AMER1: variants seen among roughly 807,000 people sequenced by gnomAD.
AMER1 encodes the protein RP11-403E24.2.
AMER1 carries 16 observed loss-of-function variants against 53.0 expected under a neutral mutation model. The observed-to-expected ratio is 0.30, with a 90% CI of 0.20 to 0.46. The LOEUF is 0.46. Among genes scored for constraint, AMER1 ranks in the 20% least tolerant of loss-of-function variants. The pLI is 1.00. For synonymous variants in AMER1, 354 were observed against 331.9 expected (o/e 1.07, Z -0.73); for missense variants, 947 against 884.9 (o/e 1.07, Z -0.89).
intron 1 of AMER1, among the ~76,000 whole-genome samples, chrX:64,196,405 A>G (rs1472573818): frequency 8.9e-6 from 1 of 112,443 alleles, no homozygotes; most frequent in African/African-American, 3.2e-5. Flanking sequence ...AAAGCACTTT[A>G]TAAACTGTAT....
chrX:64,186,050 T>C lies in AMER1; in HGVS notation c.*3829A>G. The C allele has an allele frequency of 9.6e-7, 1 of 1,040,706 alleles. No individual in the cohort carries two copies. The highest frequency in any genetic ancestry group is 2.0e-5 in the South Asian group (1 of 50,837). 85.8% of individuals were successfully genotyped at this position (1,040,706 alleles called of 1,213,427 possible). On this transcript the variant is annotated 3_prime_UTR_variant, in exon 2 of 2. Transcript: ENST00000374869. ...GACACATGAGTACTCTCAGAGGGTC[T>C]AGACATGGGGAAGAAGGGTTCAAAA...
At position 64,187,668 on chromosome X, in the gene AMER1, A is replaced by G; in HGVS notation, c.*2211T>C. 1 of 775,271 alleles carries G rather than the reference A, an allele frequency of 1.3e-6. No homozygotes were observed. The highest frequency in any genetic ancestry group is 9.1e-5 in the East Asian group (1 of 10,938). The allele number at this position is 775,271 out of a possible 1,213,427, so 63.9% of individuals were successfully genotyped here. On this transcript the variant is annotated 3_prime_UTR_variant, in exon 2 of 2. Transcript: ENST00000374869. Reference sequence around the variant, plus strand: ...CAGGAGCTCAAGCTGCCCTGAAAGAAGAGGCAAGAGGTGGGTTCTTCCCTG... The same window carrying G: ...CAGGAGCTCAAGCTGCCCTGAAAGAGGAGGCAAGAGGTGGGTTCTTCCCTG...
rs758505952 is a variant in AMER1 at position 64,192,950 on chromosome X, C to T, written c.337G>A (p.Gly113Arg). The T allele has an allele frequency of 8.3e-7, 1 of 1,211,753 alleles. No homozygotes were observed. Among genetic ancestry groups the T allele is most frequent in the Admixed American group, 2.2e-5 (1 of 46,038 alleles). The change falls in exon 2 of 2, where the codon GGA (glycine) becomes AGA (arginine). Residue 113 changes from glycine (G) to arginine (R), a missense_variant. Transcript: ENST00000374869. ...AHGPEDVVSE[G>R]TGFSLPLPEL... ...GGCAAAGGCAGGGAGAAGCCAGTTC[C>T]TTCACTGACAACATCTTCAGGGCCA...
rs779500132 is a variant in AMER1, at chrX:64,191,940, G to A, written c.1347C>T (p.Ala449=). Residue 449 remains alanine, a synonymous_variant, in exon 2 of 2, where the codon GCC becomes GCT. Transcript: ENST00000374869. The part of the protein sequence containing the change: ...LDPVRSYPGL[A]PGELLTPQSD... ...TCTGAGGAGTCAAAAGTTCCCCAGGGGCTAGGCCAGGATAAGACCTAACTG... is the reference window on the plus strand; with the variant it reads ...TCTGAGGAGTCAAAAGTTCCCCAGGAGCTAGGCCAGGATAAGACCTAACTG... The A allele has an allele frequency of 2.5e-6, 3 of 1,211,686 alleles. No individual in the cohort carries two copies. In the South Asian group the frequency reaches 5.3e-5, roughly 21 times the overall value.
At position 64,186,247 on chromosome X, in the gene AMER1, G is replaced by C. The variant is rs1245811558; in HGVS notation, c.*3632C>G. Reference sequence around the variant, plus strand: ...AAGGTAGGGAGAGGGGAAAGAGGGAGGGCCCTAGGCAGTTGAGATGCCAGC... The same window carrying C: ...AAGGTAGGGAGAGGGGAAAGAGGGACGGCCCTAGGCAGTTGAGATGCCAGC... On this transcript the variant is annotated 3_prime_UTR_variant, in exon 2 of 2. Transcript: ENST00000374869. 2 of 1,168,726 alleles carry C rather than the reference G, an allele frequency of 1.7e-6. No individual in the cohort carries two copies. Among genetic ancestry groups the C allele is most frequent in the East Asian group, 3.1e-5 (1 of 32,657 alleles).
At chrX:64,196,834 T>C (rs755507078) in intron 1 of AMER1, among the ~76,000 whole-genome samples, 1 of 111,813 alleles carries the variant, frequency 8.9e-6, no homozygotes, top group Non-Finnish European at 1.9e-5. Flanking sequence ...CCCACAGTCA[T>C]TCACAGTATC....
rs552111233 is a variant in AMER1, at chrX:64,185,595, G to A, written c.*4284C>T. Reference sequence around the variant, plus strand: ...AGTGACTATAGGATTGGAAAGTCAGGGATCAGGCCAGCAAGCCATCACCCT... The same window carrying A: ...AGTGACTATAGGATTGGAAAGTCAGAGATCAGGCCAGCAAGCCATCACCCT... On this transcript the variant is annotated 3_prime_UTR_variant, in exon 2 of 2. Transcript: ENST00000374869. 1 of 171,477 alleles carries A rather than the reference G, an allele frequency of 5.8e-6. No individual in the cohort carries two copies. Among genetic ancestry groups the A allele is most frequent in the African/African-American group, 3.0e-5 (1 of 33,130 alleles). The allele number at this position is 171,477 out of a possible 1,213,427, so 14.1% of individuals were successfully genotyped here.
rs2147085720 is a variant in AMER1, at chrX:64,190,693, C to T, written c.2594G>A (p.Gly865Asp). Residue 865 changes from glycine to aspartate, a missense_variant, in exon 2 of 2, where the codon GGT becomes GAT. By Grantham distance (94) the Gly-to-Asp change is moderately conservative (BLOSUM62 -1). Coordinates refer to ENST00000374869, the MANE Select transcript of AMER1 (RefSeq NM_152424.4). The stretch of plus-strand genomic sequence containing the variant: ...CAAGTATCGAGGGAGGCTGCTCACA[C>T]CCCAGGGCAGGCCTTGGTAGAATCG... The part of the protein sequence containing the change: ...HSRFYQGLPW[G>D]VSSLPRYLGL... 1.7e-6 allele frequency: 2 copies of T among 1,210,547 alleles called. No homozygotes were observed. The highest frequency in any genetic ancestry group is 2.2e-6 in the Non-Finnish European group (2 of 894,891).
rs2147090280 is a variant in AMER1, at chrX:64,192,727, G to A, written c.560C>T (p.Ala187Val). Reference protein sequence around the residue: ...RRHRKSKVTGAEQSEPGAKGP... With the variant: ...RRHRKSKVTGVEQSEPGAKGP... ...CTTGGCCCCTGGCTCACTTTGCTCA[G>A]CCCCAGTGACCTTGCTCTTCCGGTG... Residue 187 changes from alanine to valine, a missense_variant, in exon 2 of 2, where the codon GCT becomes GTT. By Grantham distance (64) the Ala-to-Val change is moderately conservative. Coordinates refer to ENST00000374869, the MANE Select transcript of AMER1 (RefSeq NM_152424.4). 2 of 1,197,132 alleles carry A rather than the reference G, an allele frequency of 1.7e-6. No individual in the cohort carries two copies. Among genetic ancestry groups the A allele is most frequent in the East Asian group, 5.9e-5 (2 of 33,712 alleles).
rs1205869591 is a variant in AMER1, at chrX:64,190,070, G to A, written c.3217C>T (p.Pro1073Ser). ...GTGATGCCCACAGGCTTGGCCTGTGGTAGAGGGCTGGGGCTGAAGCCTCCA... is the reference window on the plus strand; with the variant it reads ...GTGATGCCCACAGGCTTGGCCTGTGATAGAGGGCTGGGGCTGAAGCCTCCA... The part of the protein sequence containing the change: ...SSGGFSPSPL[P>S]QAKPVGITHG... The change falls in exon 2 of 2, where the codon CCA becomes TCA. Residue 1073 changes from proline to serine, a missense_variant. Transcript: ENST00000374869. The A allele has an allele frequency of 8.3e-7, 1 of 1,203,284 alleles. No homozygotes were observed. Among genetic ancestry groups the A allele is most frequent in the Non-Finnish European group, 1.1e-6 (1 of 891,552 alleles).
intron 1 of AMER1, among the ~76,000 whole-genome samples, chrX:64,195,785 T>C (rs1930354483): frequency 8.9e-6 from 1 of 112,594 alleles, no homozygotes; most frequent in Non-Finnish European, 1.9e-5. Context: ...CCTTAAAGAA[T>C]AGCCCCTGTT....
rs1569190995 is a variant in AMER1, at chrX:64,189,480, A to ATGTGTGTGTGTGTG, written c.*398_*399insCACACACACACACA. On this transcript the variant is annotated 3_prime_UTR_variant, in exon 2 of 2. Coordinates refer to ENST00000374869, the MANE Select transcript of AMER1 (RefSeq NM_152424.4). ...CATGTGTGTTTGTGTGTGTGTGTGT[A>ATGTGTGTGTGTGTG]TGTATGTGTGTGTGTGTGTGTGTGT... 1 of 515,924 alleles carries ATGTGTGTGTGTGTG rather than the reference A, an allele frequency of 1.9e-6. No individual in the cohort carries two copies. The highest frequency in any genetic ancestry group is 6.2e-5 in the African/African-American group (1 of 16,170). 42.5% of individuals were successfully genotyped at this position (515,924 alleles called of 1,213,427 possible).
Position 64,192,208 on chromosome X carries a change from G to A in AMER1, c.1079C>T (p.Ser360Phe), listed in dbSNP as rs943717871. ...RANRDGTKRSSCLVTYQGGGE... is the reference protein window; with the variant it reads ...RANRDGTKRSFCLVTYQGGGE... The stretch of plus-strand genomic sequence containing the variant: ...ACCTCCTTGGTAGGTCACCAGGCAG[G>A]AACTTCGCTTGGTCCCATCTCGGTT... The change falls in exon 2 of 2, where the codon TCC becomes TTC. Residue 360 changes from serine (S) to phenylalanine (F), a missense_variant. Transcript: ENST00000374869. 2 of 1,210,133 alleles carry A rather than the reference G, an allele frequency of 1.7e-6. No homozygotes were observed. Among genetic ancestry groups the A allele is most frequent in the African/African-American group, 3.5e-5 (2 of 57,178 alleles).
intron 1 of AMER1, among the ~76,000 whole-genome samples, chrX:64,204,185 G>C (rs1335135492): frequency 3.5e-5 from 4 of 113,337 alleles, no homozygotes; most frequent in Non-Finnish European, 5.6e-5. Flanking sequence ...GCCACACTGG[G>C]GGAGGGGGCT....
rs1446174636 is a variant in AMER1 at position 64,193,023 on chromosome X, T to C, written c.264A>G (p.Lys88=). The C allele has an allele frequency of 2.5e-6, 3 of 1,211,796 alleles. No individual in the cohort carries two copies. Among genetic ancestry groups the C allele is most frequent in the Admixed American group, 2.2e-5 (1 of 46,062 alleles). Reference sequence around the variant, plus strand: ...CGTGGGTCTTGCTCTTGCTGAGACCTTTCTTGGAGCTGCCTTTCCCAGAAC... The same window carrying C: ...CGTGGGTCTTGCTCTTGCTGAGACCCTTCTTGGAGCTGCCTTTCCCAGAAC... ...SKGSGKGSSK[K]GLSKSKTHDG... The change falls in exon 2 of 2, where the codon AAA becomes AAG. Residue 88 remains lysine (K), a synonymous_variant. Coordinates refer to ENST00000374869, the MANE Select transcript of AMER1 (RefSeq NM_152424.4).
At position 64,187,532 on chromosome X, in the gene AMER1, T is replaced by TG. The variant is rs1462904302; in HGVS notation, c.*2346dup. The TG allele has an allele frequency of 2.6e-6, 2 of 779,489 alleles. No individual in the cohort carries two copies. Among genetic ancestry groups the TG allele is most frequent in the Admixed American group, 1.6e-4 (2 of 12,126 alleles). The allele number at this position is 779,489 out of a possible 1,213,427, so 64.2% of individuals were successfully genotyped here. ...CAGCTCTCAGCCCTTAGCCAAAGGTTGGCCACCTCCTTTTTCTCTTCCCAG... is the reference window on the plus strand; with the variant it reads ...CAGCTCTCAGCCCTTAGCCAAAGGTTGGGCCACCTCCTTTTTCTCTTCCCAG... On this transcript the variant is annotated 3_prime_UTR_variant, in exon 2 of 2. Transcript: ENST00000374869.
At position 64,192,282 on chromosome X, in the gene AMER1, C is replaced by T. The variant is rs369055207; in HGVS notation, c.1005G>A (p.Gln335=). The part of the protein sequence containing the change: ...LTGCGDIIAE[Q]DMDSMTDSMA... The stretch of plus-strand genomic sequence containing the variant: ...TGCTGTCTGTCATACTGTCCATGTC[C>T]TGTTCTGCTATTATGTCACCACAAC... Residue 335 remains glutamine, a synonymous_variant, in exon 2 of 2, where the codon CAG becomes CAA. Coordinates refer to ENST00000374869, the MANE Select transcript of AMER1 (RefSeq NM_152424.4). The T allele has an allele frequency of 2.5e-6, 3 of 1,210,953 alleles. No homozygotes were observed. The African/African-American group carries it at 5.2e-5, about 21-fold the overall frequency.
intron 1 of AMER1, among the ~76,000 whole-genome samples, chrX:64,200,168 C>A (rs754809102): frequency 8.9e-6 from 1 of 112,658 alleles, no homozygotes; most frequent in South Asian, 3.7e-4. Context: ...GGGTACCATG[C>A]CCGCCTGCAT....
chrX:64,185,125 G>A lies in AMER1; in HGVS notation c.*4754C>T. The stretch of plus-strand genomic sequence containing the variant: ...ACAAGAATGCACATTAGTGACTGAG[G>A]GGTTCCCTCTTGAACCCAGAAGTTT... On this transcript the variant is annotated 3_prime_UTR_variant, in exon 2 of 2. Transcript: ENST00000374869. The A allele has an allele frequency of 7.0e-6, 1 of 142,863 alleles. No individual in the cohort carries two copies. The highest frequency in any genetic ancestry group is 1.1e-4 in the East Asian group (1 of 8,792). The allele number at this position is 142,863 out of a possible 1,213,427, so 11.8% of individuals were successfully genotyped here.
Sources: allele counts gnomAD v4.1 joint callset (sites outside exome capture counted in the v4.1 genomes callset), GRCh38; gene constraint gnomAD v4.1.1; transcripts MANE v1.5; gene names NCBI Gene and HGNC (gene_info 2026-07-23, HGNC 2026-07-21).